Variants in FARS2 observed in about 807,000 individuals in gnomAD.
The protein encoded by FARS2 is phenylalanine--tRNA ligase, mitochondrial.
FARS2 carries 40 observed loss-of-function variants against 46.4 expected under a neutral mutation model. The observed-to-expected ratio is 0.86, with a 90% CI of 0.67 to 1.12. The LOEUF (loss-of-function observed/expected upper bound fraction) is 1.12, where lower values mean the gene tolerates loss of function less well. Among genes scored for constraint, FARS2 ranks in the 50% most tolerant of loss-of-function variants. The probability of loss-of-function intolerance (pLI) is 0.00; values close to 1 mark genes in which losing one functional copy is unlikely to be tolerated. For synonymous variants in FARS2, 234 were observed against 214.9 expected, an observed-to-expected ratio of 1.09 and a Z score of -0.78; for missense variants, 513 against 567.9, an observed-to-expected ratio of 0.90 and a Z score of 0.98.
At chr6:5,332,642 A>G (rs2127580633) in intron 1 of FARS2, among the ~76,000 whole-genome samples, 1 of 152,376 alleles carries the variant, frequency 6.6e-6, no homozygotes, top group South Asian at 2.1e-4. Context: ...TACTGTTAAT[A>G]CACCTGAAGG....
intron 4 of FARS2, among the ~76,000 whole-genome samples, chr6:5,490,520 A>G (rs1347408117): frequency 1.3e-5 from 2 of 152,230 alleles, no homozygotes; most frequent in African/African-American, 4.8e-5. Flanking sequence ...ACCAGCCTGC[A>G]AGATGGCCCC....
At chr6:5,489,861 G>A (rs1766995348) in intron 4 of FARS2, among the ~76,000 whole-genome samples, 1 of 152,160 alleles carries the variant, frequency 6.6e-6, no homozygotes, top group Admixed American at 6.5e-5. Flanking sequence ...AGTTTTCTTT[G>A]AAGTTGAAAA....
intron 6 of FARS2, among the ~76,000 whole-genome samples, chr6:5,739,932 C>A (rs1037985071): frequency 4.6e-5 from 7 of 152,226 alleles, no homozygotes; most frequent in African/African-American, 1.7e-4. Context: ...CCATCAGCAA[C>A]TCTACGAGGT....
intron 6 of FARS2, among the ~76,000 whole-genome samples, chr6:5,751,035 C>G (rs964014645): frequency 6.6e-6 from 1 of 152,018 alleles, no homozygotes. Flanking sequence ...GGGGGCTGGG[C>G]CGGAATCCTA....
chr6:5,320,867 A>G (rs1382803400), intron 1 of FARS2, among the ~76,000 whole-genome samples: 8 of 152,192 alleles, frequency 5.3e-5, no homozygotes, highest in African/African-American at 1.9e-4. Context: ...CATAGATGGC[A>G]CTTTCTACCT....
intron 6 of FARS2, among the ~76,000 whole-genome samples, chr6:5,721,756 C>T (rs888013132): frequency 2.0e-5 from 3 of 152,242 alleles, no homozygotes; most frequent in African/African-American, 7.2e-5. Context: ...TGGCCAAAAA[C>T]ACTGTCAGTT....
At chr6:5,734,699 A>G (rs939581823) in intron 6 of FARS2, among the ~76,000 whole-genome samples, 1 of 152,232 alleles carries the variant, frequency 6.6e-6, no homozygotes, top group Non-Finnish European at 1.5e-5. Flanking sequence ...TATTATATTC[A>G]TCTTATACCT....
In FARS2 at chr6:5,679,722, A is replaced by T. The variant is rs1778936838; in HGVS notation, c.1217+66402A>T. Among the ~76,000 whole-genome samples the T allele has an allele frequency of 1.3e-5, 2 of 152,124 alleles. 1 individual carries two copies. Among genetic ancestry groups the T allele is most frequent in the South Asian group, 4.1e-4 (2 of 4,820 alleles). On this transcript the variant is annotated intron_variant, in intron 6 of 6. Coordinates refer to ENST00000274680, the MANE Select transcript of FARS2 (RefSeq NM_006567.5). ...CTCTCCATCCTTGCCCTGTGAATAG[A>T]TTCATACCTGGAAGCAGCCGTCTCT... is the stretch of plus-strand genomic sequence containing the variant.
At chr6:5,691,516 C>T (rs1363929761) in intron 6 of FARS2, among the ~76,000 whole-genome samples, 2 of 152,184 alleles carry the variant, frequency 1.3e-5, no homozygotes, top group African/African-American at 4.8e-5. Context: ...TACTGGTGAA[C>T]AGCAAATGTT....
At chr6:5,643,048 C>G (rs1320826794) in intron 6 of FARS2, among the ~76,000 whole-genome samples, 1 of 152,208 alleles carries the variant, frequency 6.6e-6, no homozygotes, top group Non-Finnish European at 1.5e-5. Flanking sequence ...GGGTTCAGAG[C>G]ATGAGTTTCA....
At chr6:5,279,578 A>T (rs868696883) in intron 1 of FARS2, among the ~76,000 whole-genome samples, 1 of 148,588 alleles carries the variant, frequency 6.7e-6, no homozygotes, top group African/African-American at 2.5e-5. Flanking sequence ...GTGTGTGTAT[A>T]TATATATATT....
At position 5,368,928 on chromosome 6, in the gene FARS2, G is replaced by A. The variant is rs1227008183; in HGVS notation, c.358G>A (p.Val120Ile). ...GGTCTACGACAACCTTTCTCCAGTG[G>A]TCACGACCTGGCAGAACTTTGACAG... ...FSVYDNLSPVVTTWQNFDSLL... is the reference protein window; with the variant it reads ...FSVYDNLSPVITTWQNFDSLL... Residue 120 changes from valine to isoleucine, a missense_variant, in exon 2 of 7, where the codon GTC (valine) becomes ATC (isoleucine). Val to Ile is a conservative substitution (Grantham distance 29, BLOSUM62 3). Transcript: ENST00000274680. The A allele has an allele frequency of 6.2e-7, 1 of 1,614,176 alleles. No homozygotes were observed.
At chr6:5,696,096 CCTCCAT>C in intron 6 of FARS2, among the ~76,000 whole-genome samples, 1 of 152,294 alleles carries the variant, frequency 6.6e-6, no homozygotes, top group Non-Finnish European at 1.5e-5. Context: ...CAACAGGTAC[CCTCCAT>C]CTACATTGTC....
intron 6 of FARS2, among the ~76,000 whole-genome samples, chr6:5,721,243 G>A (rs575373926): frequency 2.6e-5 from 4 of 152,116 alleles, no homozygotes; most frequent in Non-Finnish European, 2.9e-5. Context: ...GGTCTAAGAA[G>A]ACAACTAGCT....
chr6:5,442,330 A>T (rs976245432), intron 4 of FARS2, among the ~76,000 whole-genome samples: 3 of 151,720 alleles, frequency 2.0e-5, no homozygotes, highest in African/African-American at 7.3e-5. Context: ...TATTGCAATT[A>T]TATTCTTCAG....
At chr6:5,315,116 C>A (rs1306362333) in intron 1 of FARS2, among the ~76,000 whole-genome samples, 1 of 151,986 alleles carries the variant, frequency 6.6e-6, no homozygotes, top group Admixed American at 6.6e-5. Context: ...TTTCTATGTT[C>A]TTTAAGTGAC....
chr6:5,317,070 G>C (rs574569656), intron 1 of FARS2, among the ~76,000 whole-genome samples: 1 of 152,242 alleles, frequency 6.6e-6, no homozygotes, highest in African/African-American at 2.4e-5. Context: ...GCTCTTGCAT[G>C]GTAACAGGAT....
intron 5 of FARS2, chr6:5,609,295 G>A: frequency 9.2e-7 from 1 of 1,092,048 alleles, no homozygotes; most frequent in Non-Finnish European, 1.4e-6. Flanking sequence ...TGGTTTCATG[G>A]TTTGGCAAAG....
intron 6 of FARS2, among the ~76,000 whole-genome samples, chr6:5,749,973 G>A (rs1761853870): frequency 6.6e-6 from 1 of 152,214 alleles, no homozygotes; most frequent in South Asian, 2.1e-4. Flanking sequence ...ATTCCACCCA[G>A]TAAGGAAGTT....
Sources: gnomAD v4.1 joint callset for allele counts (sites outside exome capture counted in the v4.1 genomes callset) on GRCh38, gnomAD v4.1.1 for gene constraint, MANE v1.5 for transcripts, NCBI Gene and HGNC (gene_info 2026-07-23, HGNC 2026-07-21) for gene names.